The following GSTT2B variants were observed in gnomAD, a reference collection of about 807,000 sequenced individuals.
GSTT2B encodes the protein glutathione S-transferase theta-2B.
Under a neutral mutation model 16.6 loss-of-function variants are expected in GSTT2B, and 4 were observed. That is an observed-to-expected ratio of 0.24 (90% confidence interval 0.12 to 0.55). The LOEUF (loss-of-function observed/expected upper bound fraction) is 0.55. Ranked by LOEUF, GSTT2B falls within the 20% of genes least tolerant of loss-of-function variation. The pLI is 0.94. For synonymous variants in GSTT2B, 9 were observed against 110.9 expected (o/e 0.08, Z 5.77); for missense variants, 27 against 266.1 (o/e 0.10, Z 6.25).
chr22:23,960,122 C>T (rs1468259812), intron 2 of GSTT2B, among the ~76,000 whole-genome samples, 172 bp downstream of exon 2: 4 of 149,022 alleles, frequency 2.7e-5, no homozygotes, highest in Admixed American at 6.7e-5. Context: ...GCCTTGGCCT[C>T]CCGAAGTGCC....
rs1213944146 is a variant in GSTT2B, at chr22:23,960,320, C to T, written c.174G>A (p.Lys58=). 9 of 1,612,620 alleles carry T rather than the reference C, an allele frequency of 5.6e-6. No homozygotes were observed. Among genetic ancestry groups the T allele is most frequent in the Non-Finnish European group, 5.9e-6 (7 of 1,179,130 alleles). Residue 58 remains lysine (K), a synonymous_variant, in exon 2 of 5, where the codon AAG becomes AAA. Transcript: ENST00000290765. Reference sequence around the variant, plus strand: ...TTTCGGTCAAGATGAAATCACCATCCTTGAGCGTCGGCAGTTTCCCCAGGC... The same window carrying T: ...TTTCGGTCAAGATGAAATCACCATCTTTGAGCGTCGGCAGTTTCCCCAGGC... ...INSLGKLPTL[K]DGDFILTESS...
chr22:23,960,269 G>C, intron 2 of GSTT2B, 25 bp downstream of exon 2: 1 of 1,611,938 alleles, frequency 6.2e-7, no homozygotes, highest in Non-Finnish European at 8.5e-7. Context: ...TCCGGATGCG[G>C]TGAGGGGTGA....
chr22:23,960,546 A>G (rs1294852255), intron 1 of GSTT2B, among the ~76,000 whole-genome samples, 165 bp from the exon 2 acceptor site: 2 of 96,646 alleles, frequency 2.1e-5, no homozygotes, highest in Non-Finnish European at 5.1e-5. Flanking sequence ...CTGCCCTGCC[A>G]CATTCCGGGG....
At chr22:23,959,281 G>C (rs1427850531) in intron 2 of GSTT2B, among the ~76,000 whole-genome samples, 3 of 101,448 alleles carry the variant, frequency 3.0e-5, no homozygotes, top group Non-Finnish European at 6.4e-5. Flanking sequence ...TTGGGCCATG[G>C]CATTGGCCTC....
chr22:23,960,240 G>A, intron 2 of GSTT2B, 54 bp downstream of exon 2: 2 of 1,601,450 alleles, frequency 1.2e-6, no homozygotes, highest in Non-Finnish European at 1.7e-6. Context: ...CCAGTGGGGA[G>A]AGCCAAGGTC....
At chr22:23,960,540 C>T (rs1340980980) in intron 1 of GSTT2B, among the ~76,000 whole-genome samples, 159 bp from the exon 2 acceptor site, 11 of 97,588 alleles carry the variant, frequency 1.1e-4, no homozygotes, top group Middle Eastern at 5.2e-3. Flanking sequence ...GCCTCCCTGC[C>T]CTGCCACATT....
intron 2 of GSTT2B, among the ~76,000 whole-genome samples, chr22:23,960,019 A>C (rs1386838690): frequency 7.2e-6 from 1 of 139,218 alleles, no homozygotes; most frequent in Admixed American, 7.3e-5. Flanking sequence ...GCCCGCCACC[A>C]CGCCCGGTTA....
chr22:23,960,246 A>C, intron 2 of GSTT2B, 48 bp downstream of exon 2: 1 of 1,606,420 alleles, frequency 6.2e-7, no homozygotes, highest in Non-Finnish European at 8.5e-7. Flanking sequence ...GGGAGAGCCA[A>C]GGTCACATGG....
chr22:23,959,973 C>T (rs1291198518), intron 2 of GSTT2B, among the ~76,000 whole-genome samples: 1 of 129,340 alleles, frequency 7.7e-6, no homozygotes, highest in African/African-American at 2.7e-5. Context: ...ACACCATTCT[C>T]CTGCCTCAGC....
At chr22:23,959,663 C>T (rs1288537726) in intron 2 of GSTT2B, among the ~76,000 whole-genome samples, 1 of 103,468 alleles carries the variant, frequency 9.7e-6, no homozygotes, top group Admixed American at 1.0e-4. Flanking sequence ...TTGCAAGCTC[C>T]GCCTCCTGGG....
chr22:23,960,963 CG>C, intron 1 of GSTT2B, 56 bp downstream of exon 1: 1 of 560,386 alleles, frequency 1.8e-6, no homozygotes, highest in Non-Finnish European at 3.3e-6. Context: ...CAGAGCAGGG[CG>C]GGGGCCTGGG....
rs364069 is a variant in GSTT2B at position 23,960,299 on chromosome 22, G to A, written c.195C>T (p.Thr65=). ...GGGTGAGGGAAGGAGGGCACCTTTC[G>A]GTCAAGATGAAATCACCATCCTTGA... ...PTLKDGDFIL[T]ESSAILIYLS... Residue 65 remains threonine (T), a synonymous_variant, in exon 2 of 5, where the codon ACC becomes ACT. Coordinates refer to ENST00000290765, the MANE Select transcript of GSTT2B (RefSeq NM_001080843.4). The A allele has an allele frequency of 2.5e-5, 41 of 1,612,764 alleles. 1 individual carries two copies. The highest frequency in any genetic ancestry group is 6.7e-5 in the East Asian group (3 of 44,740).
chr22:23,960,622 G>C (rs1268544293), intron 1 of GSTT2B, among the ~76,000 whole-genome samples: 1 of 102,298 alleles, frequency 9.8e-6, no homozygotes, highest in Non-Finnish European at 2.3e-5. Context: ...TTTCTAGCCG[G>C]ACTCTGGTGG....
At chr22:23,959,412 C>G (rs1333967229) in intron 2 of GSTT2B, among the ~76,000 whole-genome samples, 1 of 100,022 alleles carries the variant, frequency 1.0e-5, no homozygotes, top group African/African-American at 3.1e-5. Flanking sequence ...TCTTCTAATA[C>G]CCTTCAGTCT....
At chr22:23,960,001 C>T (rs1204941682) in intron 2 of GSTT2B, among the ~76,000 whole-genome samples, 1 of 135,066 alleles carries the variant, frequency 7.4e-6, no homozygotes, top group East Asian at 2.2e-4. Context: ...GTAGCTGGGA[C>T]TACAGACGCC....
intron 2 of GSTT2B, among the ~76,000 whole-genome samples, chr22:23,959,182 C>G: frequency 7.5e-6 from 1 of 132,724 alleles, no homozygotes; most frequent in Non-Finnish European, 1.6e-5. Flanking sequence ...TGGCCCCCGT[C>G]TGACAGGCCC....
chr22:23,960,180 C>A, intron 2 of GSTT2B, 114 bp downstream of exon 2: 1 of 1,283,746 alleles, frequency 7.8e-7, no homozygotes. Flanking sequence ...CCTCGCCTTT[C>A]CCCTCCCTCG....
chr22:23,960,348 T>C lies in GSTT2B; in HGVS notation c.146A>G (p.Asn49Ser). The change falls in exon 2 of 5, where the codon AAC becomes AGC. Residue 49 changes from asparagine to serine, a missense_variant. Transcript: ENST00000290765. ...GAGCGTCGGCAGTTTCCCCAGGCTG[T>C]TGATCTGCAAGAACTCCTTGCTCTT... ...QHKSKEFLQI[N>S]SLGKLPTLKD... 2 of 1,612,016 alleles carry C rather than the reference T, an allele frequency of 1.2e-6. No individual in the cohort carries two copies. The highest frequency in any genetic ancestry group is 2.2e-5 in the East Asian group (1 of 44,688).
chr22:23,960,260 C>T (rs2033824634), intron 2 of GSTT2B, 34 bp downstream of exon 2: 1 of 1,610,624 alleles, frequency 6.2e-7, no homozygotes, highest in South Asian at 1.1e-5. Flanking sequence ...CACATGGGCT[C>T]CGGATGCGGT....
Sources: gnomAD v4.1 joint callset for allele counts (sites outside exome capture counted in the v4.1 genomes callset) on GRCh38, gnomAD v4.1.1 for gene constraint, MANE v1.5 for transcripts, NCBI Gene and HGNC (gene_info 2026-07-23, HGNC 2026-07-21) for gene names.